Variants in ZC3H12B observed in about 807,000 individuals in gnomAD.
ZC3H12B encodes the protein probable ribonuclease ZC3H12B.
ZC3H12B carries 7 observed loss-of-function variants against 43.9 expected under a neutral mutation model. The ratio of observed to expected loss-of-function variants is 0.16; its 90% CI spans 0.09 to 0.30. The LOEUF is 0.30. Ranked by LOEUF, ZC3H12B falls within the 10% of genes least tolerant of loss-of-function variation. The pLI is 1.00. For missense variants in ZC3H12B, 475 were observed against 670.2 expected (o/e 0.71, Z 3.22); for synonymous variants, 222 against 241.7 (o/e 0.92, Z 0.76).
intron 3 of ZC3H12B, among the ~76,000 whole-genome samples, chrX:65,419,466 G>A (rs1469787234): frequency 2.7e-5 from 3 of 111,950 alleles, no homozygotes; most frequent in Admixed American, 9.4e-5. Context: ...AACATGGTAA[G>A]TCTAGGTAAG....
chrX:65,251,547 G>A, the ZC3H12B span, among the ~76,000 whole-genome samples: 26 of 111,305 alleles, frequency 2.3e-4, no homozygotes, highest in African/African-American at 3.3e-4. Context: ...CCATTTTCAC[G>A]ATATTGATTC....
At chrX:65,116,180 AG>A in the ZC3H12B span, among the ~76,000 whole-genome samples, 1 of 111,596 alleles carries the variant, frequency 9.0e-6, no homozygotes, top group Non-Finnish European at 1.9e-5. Context: ...TTACAGTTTC[AG>A]GTCTTAGATT....
the ZC3H12B span, among the ~76,000 whole-genome samples, chrX:65,173,317 TA>T: frequency 8.9e-6 from 1 of 112,101 alleles, no homozygotes; most frequent in Non-Finnish European, 1.9e-5. Flanking sequence ...TAAGGAGTTT[TA>T]GGGCTGAGAT....
At chrX:65,394,314 C>T (rs1208061199) in intron 2 of ZC3H12B, among the ~76,000 whole-genome samples, 3 of 112,229 alleles carry the variant, frequency 2.7e-5, no homozygotes, top group East Asian at 5.5e-4. Context: ...AGGCTTTCTT[C>T]TAAGGTTTTT....
the ZC3H12B span, among the ~76,000 whole-genome samples, chrX:65,139,004 C>T: frequency 8.9e-6 from 1 of 111,989 alleles, no homozygotes; most frequent in African/African-American, 3.2e-5. Context: ...CTCATCAGGT[C>T]TATGGTTTAC....
the ZC3H12B span, among the ~76,000 whole-genome samples, chrX:65,320,177 G>A: frequency 9.0e-6 from 1 of 111,546 alleles, no homozygotes; most frequent in African/African-American, 3.3e-5. Context: ...AGCTCCTTAA[G>A]CTGATAAACA....
the ZC3H12B span, among the ~76,000 whole-genome samples, chrX:65,329,245 A>C: frequency 1.8e-5 from 2 of 111,138 alleles, no homozygotes; most frequent in Non-Finnish European, 3.8e-5. Flanking sequence ...GCCATTCTAA[A>C]TGGTGTGAAA....
chrX:65,385,376 C>G (rs747659008), intron 2 of ZC3H12B, among the ~76,000 whole-genome samples: 108 of 111,444 alleles, frequency 9.7e-4, no homozygotes, highest in Non-Finnish European at 1.1e-3. Flanking sequence ...TCCCTTGTAA[C>G]TTGGATTCCT....
intron 3 of ZC3H12B, among the ~76,000 whole-genome samples, chrX:65,463,205 C>G (rs1245445570): frequency 2.7e-5 from 3 of 111,692 alleles, no homozygotes; most frequent in Non-Finnish European, 5.6e-5. Context: ...AAACATACCC[C>G]AAACCTCAGC....
At chrX:65,235,790 T>C in the ZC3H12B span, among the ~76,000 whole-genome samples, 1 of 112,145 alleles carries the variant, frequency 8.9e-6, no homozygotes, top group Non-Finnish European at 1.9e-5. Context: ...CCAAGACATG[T>C]CACAGCTCTT....
At chrX:65,307,249 A>C in the ZC3H12B span, among the ~76,000 whole-genome samples, 1 of 112,255 alleles carries the variant, frequency 8.9e-6, no homozygotes, top group African/African-American at 3.2e-5. Flanking sequence ...ATGTAAATAC[A>C]GTGTCTAGTA....
At chrX:65,495,573 G>A (rs1226703250) in intron 1 of ZC3H12B, among the ~76,000 whole-genome samples, 1 of 111,741 alleles carries the variant, frequency 8.9e-6, no homozygotes, top group East Asian at 2.8e-4. Flanking sequence ...TAGTAGAATT[G>A]GTACGTGTAT....
At chrX:65,431,599 G>C (rs2067162563) in intron 3 of ZC3H12B, among the ~76,000 whole-genome samples, 1 of 112,367 alleles carries the variant, frequency 8.9e-6, no homozygotes, top group Admixed American at 9.4e-5. Context: ...CTATCTACTT[G>C]ATTATTGAAA....
the ZC3H12B span, among the ~76,000 whole-genome samples, chrX:65,334,901 G>A: frequency 1.8e-5 from 2 of 111,800 alleles, no homozygotes; most frequent in Non-Finnish European, 3.8e-5. Context: ...AGCCCATTCT[G>A]TAATTGCCCC....
At chrX:65,078,662 C>A in the ZC3H12B span, among the ~76,000 whole-genome samples, 1 of 111,299 alleles carries the variant, frequency 9.0e-6, no homozygotes, top group Non-Finnish European at 1.9e-5. Flanking sequence ...TGAAGTGTGA[C>A]AAGAGAGTGA....
the ZC3H12B span, among the ~76,000 whole-genome samples, chrX:65,087,738 A>G: frequency 1.1e-4 from 12 of 111,934 alleles, no homozygotes; most frequent in African/African-American, 3.9e-4. Flanking sequence ...AGATTAGGTG[A>G]AGGTCATTAA....
the ZC3H12B span, among the ~76,000 whole-genome samples, chrX:65,343,448 A>T: frequency 8.9e-6 from 1 of 111,781 alleles, no homozygotes; most frequent in Non-Finnish European, 1.9e-5. Context: ...GGCAAAGTGA[A>T]TCTAGCAGGA....
chrX:65,284,251 C>CAAAA, the ZC3H12B span, among the ~76,000 whole-genome samples: 9 of 67,908 alleles, frequency 1.3e-4, no homozygotes, highest in East Asian at 1.3e-3. Flanking sequence ...CACACACACA[C>CAAAA]AAAAAAAAAA....
At chrX:65,369,656 A>G (rs777931392) in intron 2 of ZC3H12B, among the ~76,000 whole-genome samples, 1 of 111,978 alleles carries the variant, frequency 8.9e-6, no homozygotes, top group Non-Finnish European at 1.9e-5. Flanking sequence ...AAAAAATTGC[A>G]CTAGAGAAAG....
Sources: allele counts gnomAD v4.1 joint callset (sites outside exome capture counted in the v4.1 genomes callset), GRCh38; gene constraint gnomAD v4.1.1; transcripts MANE v1.5; gene names NCBI Gene and HGNC (gene_info 2026-07-23, HGNC 2026-07-21).